Variants in SLC1A2 observed in about 807,000 individuals in gnomAD.
The protein encoded by SLC1A2 is excitatory amino acid transporter 2.
Under a neutral mutation model 48.8 loss-of-function variants are expected in SLC1A2, and 15 were observed. That is an observed-to-expected ratio of 0.31 (90% CI 0.21 to 0.47). The LOEUF (loss-of-function observed/expected upper bound fraction) is 0.47. Ranked by LOEUF, SLC1A2 falls within the 20% of genes least tolerant of loss-of-function variation. The pLI is 0.99. For synonymous variants in SLC1A2, 279 were observed against 272.6 expected (o/e 1.02, Z -0.23); for missense variants, 502 against 730.5 (o/e 0.69, Z 3.61).
intron 1 of SLC1A2, among the ~76,000 whole-genome samples, chr11:35,355,422 C>G (rs1033156189): frequency 1.3e-5 from 2 of 152,084 alleles, no homozygotes; most frequent in Non-Finnish European, 1.5e-5. Flanking sequence ...TAATTCGCAC[C>G]ATTTCAGATG....
At chr11:35,273,884 A>G (rs1325795923) in intron 9 of SLC1A2, among the ~76,000 whole-genome samples, 1 of 152,210 alleles carries the variant, frequency 6.6e-6, no homozygotes, top group East Asian at 1.9e-4. Context: ...CTGGTTAGAT[A>G]TTTTCGTGGT....
chr11:35,394,797 C>T (rs192743620), intron 1 of SLC1A2, among the ~76,000 whole-genome samples: 23 of 152,222 alleles, frequency 1.5e-4, no homozygotes, highest in South Asian at 4.2e-4. Flanking sequence ...CCGTTGGGCA[C>T]GACATGGCAG....
At chr11:35,261,217 A>G (rs1203484200) in intron 10 of SLC1A2, among the ~76,000 whole-genome samples, 2 of 152,192 alleles carry the variant, frequency 1.3e-5, no homozygotes, top group African/African-American at 4.8e-5. Context: ...AATAACTTCT[A>G]CTATGTTTTT....
chr11:35,263,591 CA>C (rs1395698534), intron 10 of SLC1A2, among the ~76,000 whole-genome samples: 1 of 152,162 alleles, frequency 6.6e-6, no homozygotes, highest in Non-Finnish European at 1.5e-5. Context: ...AAGTGTCCTA[CA>C]AAATATTAAG....
intron 1 of SLC1A2, among the ~76,000 whole-genome samples, chr11:35,380,718 G>A (rs1309737288): frequency 2.0e-5 from 3 of 152,308 alleles, no homozygotes; most frequent in East Asian, 3.9e-4. Flanking sequence ...TAGTGACAGC[G>A]CTAAGGCAGT....
intron 9 of SLC1A2, among the ~76,000 whole-genome samples, chr11:35,271,223 C>T (rs565023975): frequency 7.2e-5 from 11 of 152,272 alleles, no homozygotes; most frequent in East Asian, 5.8e-4. Flanking sequence ...GGTTTGGACA[C>T]GTTGAGGGTG....
At chr11:35,360,935 G>A (rs550302925) in intron 1 of SLC1A2, among the ~76,000 whole-genome samples, 36 of 152,008 alleles carry the variant, frequency 2.4e-4, no homozygotes, top group Admixed American at 2.3e-3. Context: ...GAGTACAGTG[G>A]TGCAATCTCG....
intron 9 of SLC1A2, among the ~76,000 whole-genome samples, chr11:35,273,526 G>C (rs3794101): frequency 0.37 from 55,683 of 152,146 alleles, 10,540 homozygotes; most frequent in South Asian, 0.53. Context: ...CCTCCACCAA[G>C]GCTGTTTTAT....
chr11:35,292,259 GA>G (rs1481136342), intron 7 of SLC1A2, 27 bp downstream of exon 7: 3 of 1,514,208 alleles, frequency 2.0e-6, no homozygotes, highest in Non-Finnish European at 2.7e-6. Context: ...AGTGAGCAAA[GA>G]GAAAGGTGAT....
chr11:35,312,998 A>T (rs1431375859), intron 3 of SLC1A2, among the ~76,000 whole-genome samples: 1 of 152,196 alleles, frequency 6.6e-6, no homozygotes, highest in Non-Finnish European at 1.5e-5. Context: ...TCTGTAACAA[A>T]TTTTTTGTCA....
Position 35,251,356 on chromosome 11 carries a change from A to G in SLC1A2, c.*9538T>C, listed in dbSNP as rs1366973200. On this transcript the variant is annotated 3_prime_UTR_variant, in exon 11 of 11. Coordinates refer to ENST00000278379, the MANE Select transcript of SLC1A2 (RefSeq NM_004171.4). Reference sequence around the variant, plus strand: ...TACAGTAATCAGTCCACATTGTAAGAAAGCTTAGAAAGCTAAAGGCGAAAA... The same window carrying G: ...TACAGTAATCAGTCCACATTGTAAGGAAGCTTAGAAAGCTAAAGGCGAAAA... 1 of 152,684 alleles carries G rather than the reference A, an allele frequency of 6.5e-6. No homozygotes were observed. The highest frequency in any genetic ancestry group is 1.5e-5 in the Non-Finnish European group (1 of 68,042). The allele number at this position is 152,684 out of a possible 1,614,324, so 9.5% of individuals were successfully genotyped here. A position where few individuals can be genotyped will look rare whatever the true frequency, so the allele number is the denominator to read the frequency against.
rs966990054 is a variant in SLC1A2, at chr11:35,254,396, T to C, written c.*6498A>G. 6.1e-6 allele frequency: 1 copy of C among 164,594 alleles called. No individual in the cohort carries two copies. The highest frequency in any genetic ancestry group is 1.5e-4 in the South Asian group (1 of 6,532). 10.2% of individuals were successfully genotyped at this position (164,594 alleles called of 1,614,324 possible). On this transcript the variant is annotated 3_prime_UTR_variant, in exon 11 of 11. Coordinates refer to ENST00000278379, the MANE Select transcript of SLC1A2 (RefSeq NM_004171.4). Reference sequence around the variant, plus strand: ...CTTTCTATAAGGGAAGTAACTCTTATGGAGTATTAAACCACCAGACAGCCA... The same window carrying C: ...CTTTCTATAAGGGAAGTAACTCTTACGGAGTATTAAACCACCAGACAGCCA...
intron 4 of SLC1A2, among the ~76,000 whole-genome samples, chr11:35,310,335 T>C (rs533095345): frequency 6.6e-6 from 1 of 152,212 alleles, no homozygotes; most frequent in Non-Finnish European, 1.5e-5. Context: ...TCTCTCACAC[T>C]AAAGCAAGTC....
intron 1 of SLC1A2, among the ~76,000 whole-genome samples, chr11:35,335,384 C>A (rs550012229): frequency 6.6e-6 from 1 of 152,274 alleles, no homozygotes; most frequent in South Asian, 2.1e-4. Context: ...GCCATAGCAA[C>A]CGCAATTGCA....
At chr11:35,331,735 G>A (rs749205516) in intron 1 of SLC1A2, among the ~76,000 whole-genome samples, 12 of 152,054 alleles carry the variant, frequency 7.9e-5, no homozygotes, top group Non-Finnish European at 1.5e-4. Context: ...TCGCACATTC[G>A]AACCTGAAAT....
At chr11:35,305,281 G>A (rs968860308) in intron 5 of SLC1A2, among the ~76,000 whole-genome samples, 1 of 152,194 alleles carries the variant, frequency 6.6e-6, no homozygotes, top group East Asian at 1.9e-4. Flanking sequence ...TTTGAATAAT[G>A]ATCACAGCTC....
intron 1 of SLC1A2, among the ~76,000 whole-genome samples, chr11:35,361,086 G>A (rs1164339161): frequency 6.6e-6 from 1 of 152,052 alleles, no homozygotes; most frequent in Non-Finnish European, 1.5e-5. Context: ...ATGTTGGCCA[G>A]GGTGGTCTCA....
At chr11:35,370,643 A>G (rs1854027508) in intron 1 of SLC1A2, among the ~76,000 whole-genome samples, 1 of 152,016 alleles carries the variant, frequency 6.6e-6, no homozygotes, top group Non-Finnish European at 1.5e-5. Flanking sequence ...GGTAGAGAGC[A>G]GCTCCCACCC....
chr11:35,309,651 G>A (rs1851625081), intron 4 of SLC1A2, among the ~76,000 whole-genome samples: 1 of 152,148 alleles, frequency 6.6e-6, no homozygotes, highest in South Asian at 2.1e-4. Context: ...TGGTCAAGGA[G>A]CCTCCTCCAC....
Sources: allele counts gnomAD v4.1 joint callset (sites outside exome capture counted in the v4.1 genomes callset), GRCh38; gene constraint gnomAD v4.1.1; transcripts MANE v1.5; gene names NCBI Gene and HGNC (gene_info 2026-07-23, HGNC 2026-07-21).